Variants in CD44 observed in about 807,000 individuals in gnomAD.
CD44 encodes the protein CD44 antigen.
Under a neutral mutation model 88.8 loss-of-function variants are expected in CD44, and 49 were observed. The ratio of observed to expected loss-of-function variants is 0.55; its 90% CI spans 0.44 to 0.70. The LOEUF (loss-of-function observed/expected upper bound fraction) is 0.70, where lower values mean the gene tolerates loss of function less well. CD44 is among the 30% of genes least tolerant of loss of function. The pLI is 0.00. For synonymous variants in CD44, 325 were observed against 312.3 expected, an observed-to-expected ratio of 1.04 and a Z score of -0.43; for missense variants, 883 against 913.8, an observed-to-expected ratio of 0.97 and a Z score of 0.43.
intron 16 of CD44, 35 bp downstream of exon 16, chr11:35,219,422 GA>G (rs760481198): frequency 6.7e-7 from 1 of 1,491,696 alleles, no homozygotes; most frequent in South Asian, 1.1e-5. Context: ...AAAACACACT[GA>G]AAGCAGCTTT....
In CD44 at chr11:35,196,792, G is replaced by A; in HGVS notation, c.714G>A (p.Arg238=). Residue 238 remains arginine (R), a synonymous_variant, in exon 6 of 18, where the codon AGG becomes AGA. Transcript: ENST00000428726. ...SATATETATK[R]QETWDWFSWL... is the part of the protein sequence containing the mutation. The stretch of plus-strand genomic sequence containing the variant: ...CAGCAACTGAGACAGCAACCAAGAG[G>A]CAAGAAACCTGGGATTGGTTTTCAT... 1 of 1,613,650 alleles carries A rather than the reference G, an allele frequency of 6.2e-7. No homozygotes were observed. Among genetic ancestry groups the A allele is most frequent in the African/African-American group, 1.3e-5 (1 of 75,020 alleles).
chr11:35,222,201 G>A (rs1268622222), intron 17 of CD44, among the ~76,000 whole-genome samples: 1 of 152,188 alleles, frequency 6.6e-6, no homozygotes, highest in Admixed American at 6.5e-5. Context: ...AAGATTCAGT[G>A]ATTCATCATC....
At chr11:35,181,934 A>ATTATTTTATATATATAGAATATATAT (rs1491126504) in intron 3 of CD44, among the ~76,000 whole-genome samples, 1 of 66,050 alleles carries the variant, frequency 1.5e-5, no homozygotes, top group South Asian at 4.7e-4. Context: ...TATTATATAT[A>ATTATTTTATATATATAGAATATATAT]AATTATATAT....
chr11:35,225,081 A>AT (rs1269996731), intron 17 of CD44, among the ~76,000 whole-genome samples: 1 of 124,340 alleles, frequency 8.0e-6, no homozygotes, highest in Non-Finnish European at 1.9e-5. Flanking sequence ...ACTGTCCAAT[A>AT]TATAACTACT....
intron 1 of CD44, among the ~76,000 whole-genome samples, chr11:35,140,112 G>C (rs1311511829): frequency 6.6e-6 from 1 of 152,224 alleles, no homozygotes; most frequent in African/African-American, 2.4e-5. Context: ...AATCTCAACA[G>C]TAAGGTGGCT....
intron 1 of CD44, among the ~76,000 whole-genome samples, chr11:35,174,696 G>A (rs1944263037): frequency 2.0e-5 from 3 of 152,196 alleles, no homozygotes; most frequent in Non-Finnish European, 2.9e-5. Context: ...ACTGATAGCA[G>A]TTAGGCTTCA....
chr11:35,217,711 G>T (rs1948950720), intron 15 of CD44, among the ~76,000 whole-genome samples: 1 of 152,078 alleles, frequency 6.6e-6, no homozygotes, highest in African/African-American at 2.4e-5. Flanking sequence ...CTAAAGTTTG[G>T]CTCCATGAGG....
At chr11:35,146,143 C>T (rs1273751183) in intron 1 of CD44, among the ~76,000 whole-genome samples, 5 of 152,144 alleles carry the variant, frequency 3.3e-5, no homozygotes, top group African/African-American at 1.2e-4. Context: ...GTGTGTCCTC[C>T]TGAGGTAAGT....
At chr11:35,176,933 T>G in intron 2 of CD44, 193 bp downstream of exon 2, 1 of 561,766 alleles carries the variant, frequency 1.8e-6, no homozygotes, top group Non-Finnish European at 3.1e-6. Flanking sequence ...AAGACACCTT[T>G]GTGAATCATA....
intron 1 of CD44, among the ~76,000 whole-genome samples, chr11:35,148,873 A>AT (rs1222683070): frequency 3.3e-5 from 5 of 151,440 alleles, no homozygotes; most frequent in Admixed American, 1.3e-4. Context: ...CTTTTTCTTC[A>AT]TTTTTTTTCT....
chr11:35,163,612 A>G (rs1318387371), intron 1 of CD44, among the ~76,000 whole-genome samples: 2 of 152,188 alleles, frequency 1.3e-5, no homozygotes, highest in Non-Finnish European at 2.9e-5. Context: ...AGCCCTGTTT[A>G]GGCTCAAGCC....
At chr11:35,168,196 T>C (rs939846043) in intron 1 of CD44, among the ~76,000 whole-genome samples, 1 of 152,122 alleles carries the variant, frequency 6.6e-6, no homozygotes, top group African/African-American at 2.4e-5. Flanking sequence ...CTTTTCATGA[T>C]CACCTCTCCA....
chr11:35,195,802 C>T lies in CD44; in HGVS notation c.668-944C>T, dbSNP rs1473033401. ...GGTCACTTCATCTCTGTCTGTCTTT[C>T]CTGATTGATTATCCTATTTTCAAAG... On this transcript the variant is annotated intron_variant, in intron 5 of 17. Coordinates refer to ENST00000428726, the MANE Select transcript of CD44 (RefSeq NM_000610.4). Among the ~76,000 whole-genome samples the T allele has an allele frequency of 4.6e-5, 7 of 152,110 alleles. No homozygotes were observed. The East Asian group carries it at 1.4e-3, about 29-fold the overall frequency.
intron 1 of CD44, among the ~76,000 whole-genome samples, chr11:35,141,726 C>A (rs75213201): frequency 9.2e-5 from 14 of 152,150 alleles, no homozygotes; most frequent in African/African-American, 3.4e-4. Flanking sequence ...AGAGGAAGTA[C>A]AATGAAGTGC....
chr11:35,218,641 G>A (rs1949036411), intron 15 of CD44, among the ~76,000 whole-genome samples: 1 of 152,030 alleles, frequency 6.6e-6, no homozygotes. Context: ...TGTTTATGTT[G>A]GCTCCTATGA....
At chr11:35,209,794 G>T (rs1481696674) in intron 12 of CD44, among the ~76,000 whole-genome samples, 171 bp from the exon 13 acceptor site, 1 of 152,150 alleles carries the variant, frequency 6.6e-6, no homozygotes, top group Admixed American at 6.5e-5. Flanking sequence ...GGGCAAAATA[G>T]AATTCTTCTG....
At position 35,186,242 on chromosome 11, in the gene CD44, A is replaced by AT. The variant is rs1210317428; in HGVS notation, c.368-588dup. On this transcript the variant is annotated intron_variant, in intron 3 of 17. Transcript: ENST00000428726. ...TTATTACATTAATGAAAGACTAGAG[A>AT]TTCATTTGGTTTTTAATATTTCAAC... Among the ~76,000 whole-genome samples the AT allele has an allele frequency of 2.0e-5, 3 of 152,194 alleles. No individual in the cohort carries two copies. In the East Asian group the frequency reaches 5.8e-4, roughly 29 times the overall value.
chr11:35,196,581 C>A (rs1946775308), intron 5 of CD44, among the ~76,000 whole-genome samples, 165 bp from the exon 6 acceptor site: 1 of 152,068 alleles, frequency 6.6e-6, no homozygotes, highest in Admixed American at 6.5e-5. Flanking sequence ...CAGTTTGAGT[C>A]TCTGAAAAAA....
rs749457039 is a variant in CD44, at chr11:35,176,758, G to T, written c.233+18G>T. ...ACCTGCAGGTAAGAGACCAGCACCC[G>T]ACCACTGGGGAAAGCTGGCGGCCTG... On this transcript the variant is annotated intron_variant, in intron 2 of 17. Coordinates refer to ENST00000428726, the MANE Select transcript of CD44 (RefSeq NM_000610.4). 3.1e-6 allele frequency: 5 copies of T among 1,606,796 alleles called. No homozygotes were observed. Among genetic ancestry groups the T allele is most frequent in the Non-Finnish European group, 4.2e-6 (5 of 1,176,876 alleles).
Sources: gnomAD v4.1 joint callset for allele counts (sites outside exome capture counted in the v4.1 genomes callset) on GRCh38, gnomAD v4.1.1 for gene constraint, MANE v1.5 for transcripts, NCBI Gene and HGNC (gene_info 2026-07-23, HGNC 2026-07-21) for gene names.